The following SPATA13 variants were observed in gnomAD, a reference collection of about 807,000 sequenced individuals.
The protein encoded by SPATA13 is spermatogenesis-associated protein 13.
A neutral mutation model predicts 104.0 loss-of-function variants in SPATA13; 50 were observed. The ratio of observed to expected loss-of-function variants is 0.48; its 90% CI spans 0.38 to 0.61. The LOEUF (loss-of-function observed/expected upper bound fraction) is 0.61, where lower values mean the gene tolerates loss of function less well. SPATA13 is among the 20% of genes least tolerant of loss of function. SPATA13 has a pLI of 0.00. For missense variants in SPATA13, 1,524 were observed against 1,690.6 expected (o/e 0.90, Z 1.73); for synonymous variants, 606 against 667.5 (o/e 0.91, Z 1.42).
intron 3 of SPATA13, among the ~76,000 whole-genome samples, chr13:24,137,787 A>G (rs1881622249): frequency 6.6e-6 from 1 of 152,190 alleles, no homozygotes; most frequent in African/African-American, 2.4e-5. Flanking sequence ...CAAAAGTAAC[A>G]TTAAGTATGG....
chr13:24,151,342 G>C (rs984764592), intron 3 of SPATA13, among the ~76,000 whole-genome samples: 3 of 152,164 alleles, frequency 2.0e-5, no homozygotes, highest in African/African-American at 7.2e-5. Context: ...TTAACTCCTG[G>C]CTCAGTTTCC....
chr13:24,274,479 G>A (rs1304178438), intron 4 of SPATA13, among the ~76,000 whole-genome samples: 2 of 152,204 alleles, frequency 1.3e-5, no homozygotes, highest in African/African-American at 4.8e-5. Flanking sequence ...AAGGGGGATG[G>A]ACCCTGGAAA....
In SPATA13 at chr13:24,255,624, A is replaced by T. The variant is rs184690349; in HGVS notation, c.2164+3762A>T. Among the ~76,000 whole-genome samples, 106 of 152,350 alleles carry T rather than the reference A, an allele frequency of 7.0e-4. 2 individuals carry two copies. The highest frequency in any genetic ancestry group is 3.7e-3 in the Admixed American group (56 of 15,308). ...TGCAGTGGAACCATCTCTCAGCAGC[A>T]TCTCTGGCCTAGAGAGATTAGCAGT... On this transcript the variant is annotated intron_variant, in intron 4 of 12. Coordinates refer to ENST00000382108, the MANE Select transcript of SPATA13 (RefSeq NM_001166271.3).
At chr13:23,989,610 C>T (rs1226570076) in intron 2 of SPATA13, among the ~76,000 whole-genome samples, 1 of 152,170 alleles carries the variant, frequency 6.6e-6, no homozygotes, top group Non-Finnish European at 1.5e-5. Flanking sequence ...ATCCCTCTGA[C>T]CCACAGAGTA....
intron 1 of SPATA13, among the ~76,000 whole-genome samples, chr13:24,184,242 T>A (rs1435627847): frequency 6.6e-6 from 1 of 152,196 alleles, no homozygotes; most frequent in East Asian, 1.9e-4. Context: ...ATGTGGAAAT[T>A]CCATACAGAA....
chr13:24,090,170 T>C (rs1247961286), intron 3 of SPATA13, among the ~76,000 whole-genome samples: 1 of 151,920 alleles, frequency 6.6e-6, no homozygotes, highest in South Asian at 2.1e-4. Context: ...TTGGTCAGAT[T>C]TCCCCCCAGT....
intron 3 of SPATA13, among the ~76,000 whole-genome samples, chr13:24,057,077 TA>T (rs1878586508): frequency 6.6e-6 from 1 of 150,966 alleles, no homozygotes; most frequent in African/African-American, 2.4e-5. Flanking sequence ...TTTCTTTTTT[TA>T]AAAAATTTTA....
At chr13:24,199,282 T>TTCGGAAGG (rs1165036823) in intron 1 of SPATA13, among the ~76,000 whole-genome samples, 1 of 152,166 alleles carries the variant, frequency 6.6e-6, no homozygotes, top group Non-Finnish European at 1.5e-5. Flanking sequence ...CGCTGAGCTC[T>TTCGGAAGG]TCGGAAGGTG....
intron 1 of SPATA13, among the ~76,000 whole-genome samples, chr13:23,983,398 C>A (rs1472634877): frequency 1.3e-5 from 2 of 152,144 alleles, no homozygotes; most frequent in African/African-American, 2.4e-5. Flanking sequence ...CCTCAATTAC[C>A]GCTATGAAGG....
chr13:24,247,478 C>CTTTTTTTTTTTTTTT lies in SPATA13; in HGVS notation c.1654-1994_1654-1980dup, dbSNP rs10625714. ...CACTGTGCTCTTTGCTCCACATTCA[C>CTTTTTTTTTTTTTTT]TTTTTTTTTTTTTTTTTTTGAGACA... On this transcript the variant is annotated intron_variant, in intron 2 of 12. Transcript: ENST00000382108. Among the ~76,000 whole-genome samples, 17 of 87,122 alleles carry CTTTTTTTTTTTTTTT rather than the reference C, an allele frequency of 2.0e-4. 2 individuals carry two copies. Among genetic ancestry groups the CTTTTTTTTTTTTTTT allele is most frequent in the South Asian group, 4.6e-4 (1 of 2,162 alleles). The allele number at this position is 87,122 out of a possible 152,430, so 57.2% of individuals were successfully genotyped here.
intron 3 of SPATA13, among the ~76,000 whole-genome samples, chr13:24,023,630 A>G (rs1877080251): frequency 6.6e-6 from 1 of 152,190 alleles, no homozygotes; most frequent in South Asian, 2.1e-4. Flanking sequence ...AGCCCAGTGT[A>G]ATAACAAGGG....
chr13:24,004,021 T>C (rs1283731067), intron 2 of SPATA13, among the ~76,000 whole-genome samples: 1 of 152,220 alleles, frequency 6.6e-6, no homozygotes. Context: ...CTTTTAAATA[T>C]AGAAGTTGAC....
intron 3 of SPATA13, among the ~76,000 whole-genome samples, chr13:24,097,964 A>C (rs563002600): frequency 7.2e-5 from 11 of 152,354 alleles, no homozygotes; most frequent in East Asian, 1.9e-4. Flanking sequence ...TGAATACTAC[A>C]TGAAAACAGA....
intron 2 of SPATA13, among the ~76,000 whole-genome samples, chr13:24,242,083 T>C (rs1345653605): frequency 6.6e-6 from 1 of 152,054 alleles, no homozygotes; most frequent in Non-Finnish European, 1.5e-5. Context: ...AGAAAGATTA[T>C]TCCACCTAAT....
chr13:24,249,025 G>A (rs764423222), intron 2 of SPATA13, among the ~76,000 whole-genome samples: 14 of 152,020 alleles, frequency 9.2e-5, no homozygotes, highest in Non-Finnish European at 1.9e-4. Context: ...ACGCGCCACC[G>A]CGCCCCGCTA....
chr13:24,063,269 T>C (rs956529960), intron 3 of SPATA13, among the ~76,000 whole-genome samples: 5 of 152,186 alleles, frequency 3.3e-5, no homozygotes, highest in African/African-American at 9.7e-5. Context: ...TAGGGATTCA[T>C]AGGAGGAGTG....
chr13:24,127,054 T>G (rs1467619648), intron 3 of SPATA13, among the ~76,000 whole-genome samples: 1 of 152,226 alleles, frequency 6.6e-6, no homozygotes, highest in East Asian at 1.9e-4. Flanking sequence ...ATAATGAAGT[T>G]AGTAATATTA....
At chr13:24,263,614 T>C (rs1874162113) in intron 4 of SPATA13, among the ~76,000 whole-genome samples, 1 of 152,238 alleles carries the variant, frequency 6.6e-6, no homozygotes, top group African/African-American at 2.4e-5. Context: ...GACCTAATAT[T>C]AATGCAATGT....
At chr13:24,192,592 T>C (rs1869824409) in intron 1 of SPATA13, among the ~76,000 whole-genome samples, 1 of 152,164 alleles carries the variant, frequency 6.6e-6, no homozygotes, top group Admixed American at 6.5e-5. Context: ...TTAGTACATA[T>C]TTAATGTGGT....
Sources: gnomAD v4.1 joint callset for allele counts (sites outside exome capture counted in the v4.1 genomes callset) on GRCh38, gnomAD v4.1.1 for gene constraint, MANE v1.5 for transcripts, NCBI Gene and HGNC (gene_info 2026-07-23, HGNC 2026-07-21) for gene names.